Variants in HS6ST3 observed in about 807,000 individuals in gnomAD.
HS6ST3 encodes heparan-sulfate 6-O-sulfotransferase 3.
A neutral mutation model predicts 36.7 loss-of-function variants in HS6ST3; 12 were observed. The observed-to-expected ratio is 0.33, with a 90% CI of 0.21 to 0.53. HS6ST3 has a LOEUF of 0.53. Ranked by LOEUF, HS6ST3 falls within the 20% of genes least tolerant of loss-of-function variation. HS6ST3 has a pLI of 0.95. For synonymous variants in HS6ST3, 240 were observed against 257.5 expected, an observed-to-expected ratio of 0.93 and a Z score of 0.65; for missense variants, 584 against 640.9, an observed-to-expected ratio of 0.91 and a Z score of 0.96.
At chr13:96,447,116 A>C (rs1161412899) in intron 1 of HS6ST3, among the ~76,000 whole-genome samples, 2 of 152,108 alleles carry the variant, frequency 1.3e-5, no homozygotes, top group Non-Finnish European at 2.9e-5. Flanking sequence ...TTAGATGAGC[A>C]CCCTCAGCAA....
chr13:96,267,424 C>T (rs890521219), intron 1 of HS6ST3, among the ~76,000 whole-genome samples: 2 of 152,216 alleles, frequency 1.3e-5, no homozygotes, highest in Admixed American at 1.3e-4. Flanking sequence ...TCTAATTTAA[C>T]CATTTCTAAA....
At chr13:96,464,031 T>G (rs1346628075) in intron 1 of HS6ST3, among the ~76,000 whole-genome samples, 2 of 149,098 alleles carry the variant, frequency 1.3e-5, no homozygotes, top group South Asian at 2.1e-4. Context: ...TTTTTTTTTT[T>G]TTTTTTTTTT....
intron 1 of HS6ST3, among the ~76,000 whole-genome samples, chr13:96,306,946 A>G (rs1271706587): frequency 1.3e-5 from 2 of 152,214 alleles, no homozygotes; most frequent in African/African-American, 2.4e-5. Context: ...TGGCTGCACA[A>G]CAGATAGGCA....
chr13:96,124,837 C>T (rs1340062702), intron 1 of HS6ST3, among the ~76,000 whole-genome samples: 3 of 152,144 alleles, frequency 2.0e-5, no homozygotes, highest in South Asian at 2.1e-4. Context: ...ATAAGCAATA[C>T]GACTTATTAG....
At chr13:96,391,720 C>T (rs977286198) in intron 1 of HS6ST3, among the ~76,000 whole-genome samples, 13 of 152,280 alleles carry the variant, frequency 8.5e-5, no homozygotes, top group Non-Finnish European at 1.0e-4. Flanking sequence ...GGGAAACTCC[C>T]GTTTTTAAAA....
intron 1 of HS6ST3, among the ~76,000 whole-genome samples, chr13:96,100,696 T>C (rs956525735): frequency 2.6e-5 from 4 of 152,148 alleles, no homozygotes; most frequent in Non-Finnish European, 5.9e-5. Context: ...TTTCCTCCTA[T>C]TGTCTTCCAG....
intron 1 of HS6ST3, among the ~76,000 whole-genome samples, chr13:96,796,494 T>C (rs553973630): frequency 1.2e-3 from 186 of 152,214 alleles, no homozygotes; most frequent in African/African-American, 3.8e-3. Flanking sequence ...AGGTTAACTT[T>C]TTAAAGAAAA....
chr13:96,427,713 C>T (rs1364695375), intron 1 of HS6ST3, among the ~76,000 whole-genome samples: 1 of 152,140 alleles, frequency 6.6e-6, no homozygotes, highest in Non-Finnish European at 1.5e-5. Flanking sequence ...TGGTACAATG[C>T]TATTATTTCA....
At chr13:96,392,269 T>C (rs9516677) in intron 1 of HS6ST3, among the ~76,000 whole-genome samples, 125,283 of 151,802 alleles carry the variant, frequency 0.83, 52,058 homozygotes, top group Non-Finnish European at 0.87. Context: ...CCACATTAAA[T>C]AAGACAAGAC....
chr13:96,556,707 A>G (rs143193129), intron 1 of HS6ST3, among the ~76,000 whole-genome samples: 64 of 152,268 alleles, frequency 4.2e-4, no homozygotes, highest in African/African-American at 1.5e-3. Flanking sequence ...TGGACTATGC[A>G]ATACAGGTGA....
At chr13:96,471,178 C>T (rs1289569030) in intron 1 of HS6ST3, among the ~76,000 whole-genome samples, 1 of 152,184 alleles carries the variant, frequency 6.6e-6, no homozygotes, top group African/African-American at 2.4e-5. Flanking sequence ...GCTGCCAGGG[C>T]ATGGAGGACT....
intron 1 of HS6ST3, among the ~76,000 whole-genome samples, chr13:96,329,966 T>G (rs2055055999): frequency 6.6e-6 from 1 of 151,042 alleles, no homozygotes; most frequent in Admixed American, 6.6e-5. Flanking sequence ...TGATCTTTGT[T>G]GGTTTAAAGT....
chr13:96,251,886 C>G (rs553759193), intron 1 of HS6ST3, among the ~76,000 whole-genome samples: 4 of 152,112 alleles, frequency 2.6e-5, no homozygotes, highest in African/African-American at 9.6e-5. Context: ...TCCTGTTATT[C>G]TAGTTTCATA....
intron 1 of HS6ST3, among the ~76,000 whole-genome samples, chr13:96,459,151 A>G (rs2055770036): frequency 6.7e-6 from 1 of 149,512 alleles, no homozygotes; most frequent in African/African-American, 2.5e-5. Flanking sequence ...GCAGTGGAGC[A>G]TTTACAATTT....
At chr13:96,600,417 A>G (rs2138981835) in intron 1 of HS6ST3, among the ~76,000 whole-genome samples, 1 of 152,058 alleles carries the variant, frequency 6.6e-6, no homozygotes, top group Non-Finnish European at 1.5e-5. Flanking sequence ...TTATTATTAT[A>G]TAATGACCTT....
chr13:96,288,349 G>C (rs2054813743), intron 1 of HS6ST3, among the ~76,000 whole-genome samples: 1 of 151,968 alleles, frequency 6.6e-6, no homozygotes, highest in Non-Finnish European at 1.5e-5. Context: ...TTATAATATA[G>C]TTTATTCTGG....
At chr13:96,327,898 C>A (rs1391398259) in intron 1 of HS6ST3, among the ~76,000 whole-genome samples, 2 of 143,470 alleles carry the variant, frequency 1.4e-5, no homozygotes, top group South Asian at 2.3e-4. Flanking sequence ...TCCTTCACAT[C>A]CCTTGTAAGT....
intron 1 of HS6ST3, among the ~76,000 whole-genome samples, chr13:96,604,058 C>A (rs1594816515): frequency 6.6e-6 from 1 of 152,154 alleles, no homozygotes; most frequent in African/African-American, 2.4e-5. Flanking sequence ...TGAATGCTTG[C>A]TTACTGTGCA....
chr13:96,676,915 G>C (rs1003408113), intron 1 of HS6ST3, among the ~76,000 whole-genome samples: 3 of 152,154 alleles, frequency 2.0e-5, no homozygotes, highest in African/African-American at 7.2e-5. Flanking sequence ...CAGGTTTGGA[G>C]CTTAGTTGGA....
Sources: allele counts gnomAD v4.1 joint callset (sites outside exome capture counted in the v4.1 genomes callset), GRCh38; gene constraint gnomAD v4.1.1; transcripts MANE v1.5; gene names NCBI Gene and HGNC (gene_info 2026-07-23, HGNC 2026-07-21).